TASP1: variants seen among roughly 807,000 people sequenced by gnomAD.
TASP1 encodes threonine aspartase 1.
TASP1 carries 16 observed loss-of-function variants against 56.6 expected under a neutral mutation model. The ratio of observed to expected loss-of-function variants is 0.28; its 90% CI spans 0.19 to 0.43. The LOEUF (loss-of-function observed/expected upper bound fraction) is 0.43, where lower values mean the gene tolerates loss of function less well. Among genes scored for constraint, TASP1 ranks in the 20% least tolerant of loss-of-function variants. TASP1 has a pLI of 1.00. For missense variants in TASP1, 393 were observed against 511.6 expected, an observed-to-expected ratio of 0.77 and a Z score of 2.24; for synonymous variants, 179 against 184.2, an observed-to-expected ratio of 0.97 and a Z score of 0.23.
At chr20:13,221,552 TGCG>T in the TASP1 span, among the ~76,000 whole-genome samples, 13 of 141,582 alleles carry the variant, frequency 9.2e-5, no homozygotes, top group African/African-American at 2.5e-4. Flanking sequence ...TCCGCCGTGG[TGCG>T]GCGGCGGCGG....
chr20:13,445,930 T>C (rs886943409), intron 11 of TASP1, among the ~76,000 whole-genome samples: 2 of 152,196 alleles, frequency 1.3e-5, no homozygotes, highest in African/African-American at 4.8e-5. Flanking sequence ...AAATATTTCA[T>C]ATTTTATAAA....
the TASP1 span, among the ~76,000 whole-genome samples, chr20:13,331,714 G>A: frequency 6.8e-6 from 1 of 147,712 alleles, no homozygotes; most frequent in Non-Finnish European, 1.5e-5. Context: ...AAAGAGTCCT[G>A]GTGACTAATA....
At chr20:13,577,103 G>A (rs576567451) in intron 6 of TASP1, among the ~76,000 whole-genome samples, 15 of 152,248 alleles carry the variant, frequency 9.9e-5, no homozygotes, top group African/African-American at 3.6e-4. Flanking sequence ...TGTTACCTAG[G>A]GGTAGGGCAG....
intron 11 of TASP1, among the ~76,000 whole-genome samples, chr20:13,455,458 C>T (rs1252192736): frequency 6.6e-6 from 1 of 152,074 alleles, no homozygotes; most frequent in Non-Finnish European, 1.5e-5. Flanking sequence ...GAGCCCCTCT[C>T]ATAGTGACAT....
chr20:13,337,224 C>G, the TASP1 span, among the ~76,000 whole-genome samples: 30 of 152,272 alleles, frequency 2.0e-4, no homozygotes, highest in Admixed American at 1.8e-3. Flanking sequence ...TGGAAGGACA[C>G]AGTTTTGACC....
intron 4 of TASP1, among the ~76,000 whole-genome samples, chr20:13,597,660 T>C (rs905550070): frequency 2.6e-5 from 4 of 152,234 alleles, no homozygotes; most frequent in South Asian, 2.1e-4. Flanking sequence ...CTATTCAACA[T>C]AGTGTTGGAA....
the TASP1 span, among the ~76,000 whole-genome samples, chr20:13,238,279 T>A: frequency 1.3e-5 from 2 of 152,152 alleles, no homozygotes; most frequent in East Asian, 3.9e-4. Flanking sequence ...ATTATATTTT[T>A]ATGCTCTAGC....
At chr20:13,247,145 C>G in the TASP1 span, among the ~76,000 whole-genome samples, 2 of 152,024 alleles carry the variant, frequency 1.3e-5, no homozygotes, top group African/African-American at 2.4e-5. Flanking sequence ...GCAGGAGAAT[C>G]ACTTGAACCT....
chr20:13,394,599 G>A (rs545999282), intron 13 of TASP1, among the ~76,000 whole-genome samples: 4 of 151,476 alleles, frequency 2.6e-5, no homozygotes, highest in East Asian at 1.9e-4. Flanking sequence ...GCGACAGAGC[G>A]AGACTCTATC....
intron 1 of TASP1, among the ~76,000 whole-genome samples, chr20:13,634,762 C>G (rs1270407442): frequency 6.9e-6 from 1 of 144,556 alleles, no homozygotes; most frequent in Non-Finnish European, 1.5e-5. Flanking sequence ...GGCTCAGTGG[C>G]TCACACCTGT....
At chr20:13,197,853 A>G in the TASP1 span, among the ~76,000 whole-genome samples, 3 of 152,336 alleles carry the variant, frequency 2.0e-5, no homozygotes, top group African/African-American at 7.2e-5. Flanking sequence ...GCTTTAAATA[A>G]TGGTTTAACC....
At chr20:13,617,082 T>C (rs1178513186) in intron 4 of TASP1, 10 of 455,678 alleles carry the variant, frequency 2.2e-5, no homozygotes, top group Middle Eastern at 3.3e-4. Context: ...CATGGATACT[T>C]GGCTGGATGC....
At chr20:13,465,938 C>T (rs1041225039) in intron 11 of TASP1, among the ~76,000 whole-genome samples, 2 of 152,098 alleles carry the variant, frequency 1.3e-5, no homozygotes, top group African/African-American at 4.8e-5. Context: ...GTGGTGAATA[C>T]ATGAACTCAC....
At chr20:13,221,219 A>ACTTCTC in the TASP1 span, among the ~76,000 whole-genome samples, 1 of 82,774 alleles carries the variant, frequency 1.2e-5, no homozygotes, top group South Asian at 5.5e-4. Flanking sequence ...AAGCCCTCCT[A>ACTTCTC]CTCCTCCTCC....
At chr20:13,382,002 C>T in the TASP1 span, among the ~76,000 whole-genome samples, 1 of 152,134 alleles carries the variant, frequency 6.6e-6, no homozygotes, top group Non-Finnish European at 1.5e-5. Context: ...CCAGCCTCTT[C>T]AACTTGGAGT....
At chr20:13,398,388 G>A (rs78349653) in intron 13 of TASP1, among the ~76,000 whole-genome samples, 42 of 151,668 alleles carry the variant, frequency 2.8e-4, no homozygotes, top group Admixed American at 7.2e-4. Context: ...AAAAAAAAGC[G>A]GGGGGCAGTG....
chr20:13,472,156 A>T (rs1362999315), intron 11 of TASP1, among the ~76,000 whole-genome samples: 1 of 150,882 alleles, frequency 6.6e-6, no homozygotes, highest in Non-Finnish European at 1.5e-5. Flanking sequence ...ACGGAACAGA[A>T]CAGGGGACTC....
the TASP1 span, among the ~76,000 whole-genome samples, chr20:13,261,112 G>A: frequency 6.7e-3 from 1,016 of 152,222 alleles, 11 homozygotes; most frequent in African/African-American, 0.023. Context: ...CCCTTTGGCC[G>A]CAGTAAGAAG....
the TASP1 span, among the ~76,000 whole-genome samples, chr20:13,332,541 A>G: frequency 6.6e-6 from 1 of 152,256 alleles, no homozygotes; most frequent in Non-Finnish European, 1.5e-5. Context: ...TCTATAGCTC[A>G]TACATGTGTA....
Sources: gnomAD v4.1 joint callset for allele counts (sites outside exome capture counted in the v4.1 genomes callset) on GRCh38, gnomAD v4.1.1 for gene constraint, MANE v1.5 for transcripts, NCBI Gene and HGNC (gene_info 2026-07-23, HGNC 2026-07-21) for gene names.